PAX7: variants seen among roughly 807,000 people sequenced by gnomAD.
PAX7 encodes the protein paired box 7, also known as paired box protein Pax-7.
PAX7 carries 18 observed loss-of-function variants against 50.7 expected under a neutral mutation model. The observed-to-expected ratio is 0.36, with a 90% confidence interval of 0.25 to 0.53. The LOEUF (loss-of-function observed/expected upper bound fraction) is 0.53, where lower values mean the gene tolerates loss of function less well. Ranked by LOEUF, PAX7 falls within the 20% of genes least tolerant of loss-of-function variation. The probability of loss-of-function intolerance (pLI) is 0.93; values close to 1 mark genes in which losing one functional copy is unlikely to be tolerated. For synonymous variants in PAX7, 310 were observed against 290.4 expected (o/e 1.07, Z -0.69); for missense variants, 644 against 702.9 (o/e 0.92, Z 0.95).
intron 5 of PAX7, 45 bp downstream of exon 5, chr1:18,691,998 G>A (rs2089078689): frequency 6.4e-7 from 1 of 1,572,486 alleles, no homozygotes; most frequent in East Asian, 2.3e-5. Flanking sequence ...ATACTCCAGA[G>A]ATTCAGAAGT....
In PAX7 at chr1:18,703,280, A is replaced by G. The variant is rs1372653687; in HGVS notation, c.1139A>G (p.Asn380Ser). ...TCCAACCACATGAACCCGGTCAGCA[A>G]CGGCCTGTCTCCTCAGGTAGGTGGT... The part of the protein sequence containing the change: ...APSNHMNPVS[N>S]GLSPQVMSIL... The change falls in exon 7 of 9, where the codon AAC (asparagine) becomes AGC (serine). Residue 380 changes from asparagine to serine, a missense_variant. Asn to Ser is a conservative substitution (Grantham distance 46, BLOSUM62 1). Transcript: ENST00000420770. 1.2e-6 allele frequency: 2 copies of G among 1,614,114 alleles called. No homozygotes were observed. Among genetic ancestry groups the G allele is most frequent in the Admixed American group, 3.3e-5 (2 of 60,036 alleles).
chr1:18,672,150 T>C (rs2088759145), intron 4 of PAX7, among the ~76,000 whole-genome samples: 1 of 152,122 alleles, frequency 6.6e-6, no homozygotes, highest in South Asian at 2.1e-4. Flanking sequence ...CAGCCTGATG[T>C]CCAACCCTAA....
At chr1:18,682,817 G>T (rs1231579022) in intron 4 of PAX7, among the ~76,000 whole-genome samples, 2 of 152,180 alleles carry the variant, frequency 1.3e-5, no homozygotes, top group Non-Finnish European at 2.9e-5. Context: ...TGGGGGCGGG[G>T]TAGGCAGGAC....
At chr1:18,646,629 C>G (rs2088343855) in intron 4 of PAX7, among the ~76,000 whole-genome samples, 1 of 152,200 alleles carries the variant, frequency 6.6e-6, no homozygotes. Context: ...AGTCCCCGCT[C>G]GCGCCTCAAT....
intron 7 of PAX7, among the ~76,000 whole-genome samples, chr1:18,723,388 G>A (rs910089996): frequency 6.6e-5 from 10 of 152,196 alleles, no homozygotes; most frequent in South Asian, 2.1e-4. Flanking sequence ...AGGAAGTTGC[G>A]CCATGTTTAG....
In PAX7 at chr1:18,695,220, G is replaced by GA. The variant is rs57007592; in HGVS notation, c.786+3276dup. On this transcript the variant is annotated intron_variant, in intron 5 of 8. Coordinates refer to ENST00000420770, the MANE Select transcript of PAX7 (RefSeq NM_001135254.2). The stretch of plus-strand genomic sequence containing the variant: ...AAATGATTACATGTAAAAAAAAAAA[G>GA]AAAAAAAAAGAGGAAGTACCTGCAC... 8.3e-4 allele frequency among the ~76,000 whole-genome samples: 102 copies of GA among 122,596 alleles called. 2 individuals carry two copies. The highest frequency in any genetic ancestry group is 3.1e-3 in the African/African-American group (93 of 29,780). The allele number at this position is 122,596 out of a possible 152,430, so 80.4% of individuals were successfully genotyped here.
At chr1:18,737,974 GTGAT>G (rs775308100) in intron 8 of PAX7, among the ~76,000 whole-genome samples, 12 of 152,232 alleles carry the variant, frequency 7.9e-5, no homozygotes, top group Non-Finnish European at 1.6e-4. Flanking sequence ...GAGTGTGTCT[GTGAT>G]TGTGTGTTTG....
chr1:18,695,590 G>A (rs901196992), intron 5 of PAX7, among the ~76,000 whole-genome samples: 1 of 152,198 alleles, frequency 6.6e-6, no homozygotes, highest in Non-Finnish European at 1.5e-5. Flanking sequence ...ACCAGTGCCT[G>A]TAACACCTCT....
intron 4 of PAX7, among the ~76,000 whole-genome samples, chr1:18,678,215 A>C (rs570242): frequency 0.99 from 150,583 of 152,318 alleles, 74,438 homozygotes; most frequent in East Asian, 1. Flanking sequence ...AATTCGTGAC[A>C]AGCCTGACCA....
intron 7 of PAX7, among the ~76,000 whole-genome samples, chr1:18,705,099 G>C (rs528959917): frequency 6.6e-6 from 1 of 152,328 alleles, no homozygotes; most frequent in South Asian, 2.1e-4. Flanking sequence ...GGCTGACCTT[G>C]TCAGCCCCTG....
chr1:18,648,366 G>A (rs1489747178), intron 4 of PAX7, among the ~76,000 whole-genome samples: 2 of 135,894 alleles, frequency 1.5e-5, no homozygotes, highest in East Asian at 2.3e-4. Context: ...TTTTGAGACT[G>A]GGTCTTGCTC....
intron 7 of PAX7, among the ~76,000 whole-genome samples, chr1:18,714,139 G>A (rs552350055): frequency 1.3e-5 from 2 of 152,038 alleles, no homozygotes; most frequent in African/African-American, 2.4e-5. Flanking sequence ...CCCCGGAGGC[G>A]GGGGCTGCAG....
At chr1:18,652,041 A>G (rs1053619498) in intron 4 of PAX7, among the ~76,000 whole-genome samples, 1 of 151,822 alleles carries the variant, frequency 6.6e-6, no homozygotes, top group Non-Finnish European at 1.5e-5. Flanking sequence ...ACTCAGGTAA[A>G]CCCATCAAGG....
At chr1:18,703,667 T>C (rs918005214) in intron 7 of PAX7, among the ~76,000 whole-genome samples, 9 of 152,226 alleles carry the variant, frequency 5.9e-5, no homozygotes, top group African/African-American at 2.2e-4. Flanking sequence ...GTCAGAGAGA[T>C]AATGTGGGCG....
At chr1:18,695,842 T>C (rs1036842403) in intron 5 of PAX7, among the ~76,000 whole-genome samples, 1 of 152,148 alleles carries the variant, frequency 6.6e-6, no homozygotes, top group Non-Finnish European at 1.5e-5. Context: ...CATGACTGCC[T>C]CTGATGACTT....
At chr1:18,651,744 T>C (rs1054786516) in intron 4 of PAX7, among the ~76,000 whole-genome samples, 5 of 152,006 alleles carry the variant, frequency 3.3e-5, no homozygotes, top group Admixed American at 6.5e-5. Context: ...CAGGTGTTTG[T>C]CCTCTCAAAG....
intron 7 of PAX7, among the ~76,000 whole-genome samples, chr1:18,709,814 C>A (rs974499214): frequency 5.9e-5 from 9 of 152,140 alleles, no homozygotes; most frequent in African/African-American, 2.2e-4. Flanking sequence ...GTTGTATCTG[C>A]CTGGTGAGGT....
intron 7 of PAX7, among the ~76,000 whole-genome samples, chr1:18,712,235 G>C (rs530355887): frequency 6.6e-6 from 1 of 152,086 alleles, no homozygotes; most frequent in African/African-American, 2.4e-5. Flanking sequence ...AGACAGACCC[G>C]GCCAAGACCC....
rs896110871 is a variant in PAX7, at chr1:18,643,939, G to A, written c.586+7568G>A. On this transcript the variant is annotated intron_variant, in intron 4 of 8. Coordinates refer to ENST00000420770, the MANE Select transcript of PAX7 (RefSeq NM_001135254.2). ...CTGGCGGTGTTGGGACGTGGAGAGA[G>A]GGAGAGGCCGGGAACTGCATTCAGA... Among the ~76,000 whole-genome samples, 3 of 152,244 alleles carry A rather than the reference G, an allele frequency of 2.0e-5. 1 individual carries two copies. Among genetic ancestry groups the A allele is most frequent in the Admixed American group, 2.0e-4 (3 of 15,290 alleles).
Sources: gnomAD v4.1 joint callset for allele counts (sites outside exome capture counted in the v4.1 genomes callset) on GRCh38, gnomAD v4.1.1 for gene constraint, MANE v1.5 for transcripts, NCBI Gene and HGNC (gene_info 2026-07-23, HGNC 2026-07-21) for gene names.